Variants in TMA16 observed in about 807,000 individuals in gnomAD.
TMA16 encodes translation machinery-associated protein 16.
TMA16 carries 26 observed loss-of-function variants against 27.1 expected under a neutral mutation model. The ratio of observed to expected loss-of-function variants is 0.96; its 90% CI spans 0.70 to 1.33. The LOEUF (loss-of-function observed/expected upper bound fraction) is 1.33. Among genes scored for constraint, TMA16 ranks in the 40% most tolerant of loss-of-function variants. TMA16 has a pLI of 0.00. For missense variants in TMA16, 233 were observed against 241.4 expected (o/e 0.97, Z 0.23); for synonymous variants, 71 against 81.9 (o/e 0.87, Z 0.72).
At chr4:163,508,216 CA>C (rs1348984498) in intron 2 of TMA16, among the ~76,000 whole-genome samples, 1 of 152,090 alleles carries the variant, frequency 6.6e-6, no homozygotes, top group Admixed American at 6.6e-5. Flanking sequence ...TCATATATAT[CA>C]GTATTTTGCA....
intron 1 of TMA16, among the ~76,000 whole-genome samples, chr4:163,501,182 A>T (rs1487347693): frequency 1.3e-5 from 2 of 152,156 alleles, no homozygotes; most frequent in Non-Finnish European, 2.9e-5. Context: ...CTTCATAGTT[A>T]TATCTTTGTT....
At chr4:163,514,992 T>C (rs12504237) in intron 4 of TMA16, among the ~76,000 whole-genome samples, 63,741 of 145,208 alleles carry the variant, frequency 0.44, 14,363 homozygotes, top group Admixed American at 0.57. Context: ...GGGGGTTTGG[T>C]GGGGGGTAGG....
intron 2 of TMA16, 40 bp from the exon 3 acceptor site, chr4:163,512,782 T>C: frequency 6.5e-7 from 1 of 1,531,782 alleles, no homozygotes; most frequent in Non-Finnish European, 8.9e-7. Context: ...AAACTTGCTT[T>C]GGAAATTTTC....
chr4:163,502,974 T>C (rs1253596800), intron 1 of TMA16, among the ~76,000 whole-genome samples: 3 of 152,190 alleles, frequency 2.0e-5, no homozygotes, highest in Admixed American at 1.3e-4. Context: ...TAATACTGTA[T>C]TTTCACTTTA....
chr4:163,515,282 A>G, intron 4 of TMA16, 31 bp from the exon 5 acceptor site: 3 of 1,591,030 alleles, frequency 1.9e-6, no homozygotes, highest in Middle Eastern at 1.8e-4. Context: ...TATACTTTGT[A>G]TGTAACACAA....
chr4:163,495,532 A>G (rs1248705245), intron 1 of TMA16, among the ~76,000 whole-genome samples: 1 of 152,164 alleles, frequency 6.6e-6, no homozygotes, highest in Non-Finnish European at 1.5e-5. Flanking sequence ...TACTACATAT[A>G]TTTGTATTTT....
intron 1 of TMA16, among the ~76,000 whole-genome samples, chr4:163,503,310 G>T (rs572347956): frequency 6.6e-6 from 1 of 150,480 alleles, no homozygotes; most frequent in East Asian, 2.0e-4. Context: ...CATGGGTTTG[G>T]TCTTAAACTT....
chr4:163,497,620 A>G (rs1240613982), intron 1 of TMA16, among the ~76,000 whole-genome samples: 2 of 152,028 alleles, frequency 1.3e-5, no homozygotes, highest in African/African-American at 2.4e-5. Flanking sequence ...GCAGCATGGC[A>G]TCTTTAAATT....
Position 163,496,876 on chromosome 4 carries a change from T to C in TMA16, c.3+2072T>C, listed in dbSNP as rs372835246. On this transcript the variant is annotated intron_variant, in intron 1 of 6. Transcript: ENST00000358572. ...CACACTGGCCAGGCTGGTCTCGAACTCCTGACCTCAAATGATCCACCCGCC... is the reference window on the plus strand; with the variant it reads ...CACACTGGCCAGGCTGGTCTCGAACCCCTGACCTCAAATGATCCACCCGCC... 1.3e-3 allele frequency among the ~76,000 whole-genome samples: 188 copies of C among 149,272 alleles called. 2 individuals carry two copies. Among genetic ancestry groups the C allele is most frequent in the African/African-American group, 4.2e-3 (172 of 40,650 alleles).
chr4:163,494,961 C>T (rs1737526973), intron 1 of TMA16, 157 bp downstream of exon 1: 2 of 1,100,556 alleles, frequency 1.8e-6, no homozygotes, highest in Admixed American at 2.3e-5. Context: ...GGCGAAGCCT[C>T]TGGGAGGCGA....
chr4:163,512,495 CTT>C (rs143854622), intron 2 of TMA16: 2,047 of 187,988 alleles, frequency 0.011, 53 homozygotes, highest in African/African-American at 0.046. Context: ...TTGCATTACT[CTT>C]GTGCTCAAGT....
intron 1 of TMA16, among the ~76,000 whole-genome samples, chr4:163,498,605 C>G (rs1025928891): frequency 6.6e-6 from 1 of 152,042 alleles, no homozygotes; most frequent in Admixed American, 6.5e-5. Context: ...GATTTTTGAC[C>G]AAGAAATTCT....
At chr4:163,508,808 A>G (rs1279583717) in intron 2 of TMA16, among the ~76,000 whole-genome samples, 2 of 152,188 alleles carry the variant, frequency 1.3e-5, no homozygotes, top group African/African-American at 4.8e-5. Flanking sequence ...CAATGTTTGT[A>G]TGTTGTCAGG....
chr4:163,499,836 C>T (rs531659047), intron 1 of TMA16, among the ~76,000 whole-genome samples: 6 of 152,246 alleles, frequency 3.9e-5, no homozygotes, highest in South Asian at 2.1e-4. Flanking sequence ...AATTTATTTA[C>T]ATTTTTTGAG....
chr4:163,508,063 A>G (rs1459350153), intron 2 of TMA16, among the ~76,000 whole-genome samples: 4 of 152,076 alleles, frequency 2.6e-5, no homozygotes, highest in Non-Finnish European at 4.4e-5. Context: ...TATTTTTTTC[A>G]ACATAAAGAT....
chr4:163,517,149 G>C (rs913924403), intron 5 of TMA16: 11 of 343,394 alleles, frequency 3.2e-5, no homozygotes, highest in Non-Finnish European at 5.9e-5. Context: ...TGATCCACCT[G>C]CCTCAGCCTT....
chr4:163,494,922 T>A, intron 1 of TMA16, 118 bp downstream of exon 1: 4 of 1,464,610 alleles, frequency 2.7e-6, no homozygotes, highest in Non-Finnish European at 3.8e-6. Context: ...ATGCAAAGTG[T>A]TTATTTTCAG....
At chr4:163,501,903 G>A (rs114730168) in intron 1 of TMA16, among the ~76,000 whole-genome samples, 229 of 152,230 alleles carry the variant, frequency 1.5e-3, no homozygotes, top group African/African-American at 4.9e-3. Context: ...AGGACCCTAT[G>A]CTTTTGATCC....
At chr4:163,505,130 G>T (rs1737702681) in intron 1 of TMA16, among the ~76,000 whole-genome samples, 2 of 152,198 alleles carry the variant, frequency 1.3e-5, no homozygotes, top group Admixed American at 1.3e-4. Flanking sequence ...AAGGGCATGA[G>T]GATCAGGAGG....
Sources: allele counts gnomAD v4.1 joint callset (sites outside exome capture counted in the v4.1 genomes callset), GRCh38; gene constraint gnomAD v4.1.1; transcripts MANE v1.5; gene names NCBI Gene and HGNC (gene_info 2026-07-23, HGNC 2026-07-21).